The following DTNA variants were observed in gnomAD, a reference collection of about 807,000 sequenced individuals.
DTNA encodes the protein dystrobrevin alpha.
A neutral mutation model predicts 100.7 loss-of-function variants in DTNA; 43 were observed. The observed-to-expected ratio is 0.43, with a 90% CI of 0.33 to 0.55. The LOEUF (loss-of-function observed/expected upper bound fraction) is 0.55, where lower values mean the gene tolerates loss of function less well. Ranked by LOEUF, DTNA falls within the 20% of genes least tolerant of loss-of-function variation. The probability of loss-of-function intolerance (pLI) is 0.04; values close to 1 mark genes in which losing one functional copy is unlikely to be tolerated. For missense variants in DTNA, 798 were observed against 953.9 expected, an observed-to-expected ratio of 0.84 and a Z score of 2.15; for synonymous variants, 349 against 347.9, an observed-to-expected ratio of 1.00 and a Z score of -0.04.
At chr18:34,740,051 T>G (rs57815412) in intron 1 of DTNA, among the ~76,000 whole-genome samples, 1 of 152,186 alleles carries the variant, frequency 6.6e-6, no homozygotes, top group Non-Finnish European at 1.5e-5. Context: ...CTGAGATTGA[T>G]TCCTACACTG....
rs1159318382 is a variant in DTNA, at chr18:34,890,499, GGTT to G, written c.*2769_*2771del. ...ATTAGATACAACTACATCTTGCGGG[GGTT>G]GTTTCTTTCTTGTTCCACAATGAAT... is the stretch of plus-strand genomic sequence containing the variant. On this transcript the variant is annotated 3_prime_UTR_variant, in exon 23 of 23. Coordinates refer to ENST00000444659, the MANE Select transcript of DTNA (RefSeq NM_001386795.1). 2.6e-5 allele frequency: 40 copies of G among 1,531,396 alleles called. No individual in the cohort carries two copies. The highest frequency in any genetic ancestry group is 3.4e-5 in the Non-Finnish European group (39 of 1,143,928). The allele number at this position is 1,531,396 out of a possible 1,614,324, so 94.9% of individuals were successfully genotyped here.
chr18:34,886,271 T>C (rs984268855), intron 22 of DTNA, among the ~76,000 whole-genome samples: 4 of 152,230 alleles, frequency 2.6e-5, no homozygotes, highest in Non-Finnish European at 5.9e-5. Context: ...TGATCATATA[T>C]ATTTTATGAG....
chr18:34,538,501 T>C (rs1423823270), intron 1 of DTNA, among the ~76,000 whole-genome samples: 2 of 152,100 alleles, frequency 1.3e-5, no homozygotes, highest in Non-Finnish European at 2.9e-5. Flanking sequence ...GTAGAATCTC[T>C]ACGCAGTGAG....
chr18:34,555,245 G>A (rs1568644097), intron 1 of DTNA, among the ~76,000 whole-genome samples: 1 of 145,152 alleles, frequency 6.9e-6, no homozygotes, highest in Non-Finnish European at 1.5e-5. Context: ...TTTTTATTGT[G>A]TCTATTTGAT....
At chr18:34,608,792 T>G (rs1457236992) in intron 1 of DTNA, among the ~76,000 whole-genome samples, 1 of 152,204 alleles carries the variant, frequency 6.6e-6, no homozygotes, top group Non-Finnish European at 1.5e-5. Context: ...AGATCTTTCT[T>G]CAATCAACCA....
At chr18:34,711,650 C>T (rs960803479) in intron 1 of DTNA, among the ~76,000 whole-genome samples, 2 of 152,182 alleles carry the variant, frequency 1.3e-5, no homozygotes, top group African/African-American at 4.8e-5. Flanking sequence ...CAAGTTTGTT[C>T]ATACAGCATG....
chr18:34,636,436 T>C (rs2058677744), intron 1 of DTNA, among the ~76,000 whole-genome samples: 1 of 152,164 alleles, frequency 6.6e-6, no homozygotes, highest in Admixed American at 6.5e-5. Flanking sequence ...AATTAGTAAT[T>C]TTTAATGTTT....
intron 14 of DTNA, among the ~76,000 whole-genome samples, chr18:34,848,805 TG>T (rs2096427999): frequency 6.6e-6 from 1 of 152,238 alleles, no homozygotes; most frequent in African/African-American, 2.4e-5. Context: ...TTTCTCCATT[TG>T]TGTCAGTCTC....
chr18:34,762,343 T>C (rs183839680), intron 2 of DTNA, among the ~76,000 whole-genome samples: 1 of 152,266 alleles, frequency 6.6e-6, no homozygotes, highest in Non-Finnish European at 1.5e-5. Context: ...GGTAGATTTA[T>C]GGGGGATGTC....
At position 34,812,117 on chromosome 18, in the gene DTNA, G is replaced by A. The variant is rs2095496898; in HGVS notation, c.603+4G>A. 1 of 1,613,810 alleles carries A rather than the reference G, an allele frequency of 6.2e-7. No homozygotes were observed. The highest frequency in any genetic ancestry group is 1.3e-5 in the African/African-American group (1 of 74,908). ...CAGATCCTGTTTCTCCCAACAGGTA[G>A]GAGAAAAATATGTTTAAGGAAGTAT... On this transcript the variant is annotated splice_donor_region_variant and intron_variant, in intron 6 of 22. Transcript: ENST00000444659.
At position 34,619,176 on chromosome 18, in the gene DTNA, A is replaced by G. The variant is rs531563116; in HGVS notation, c.-2+125662A>G. Among the ~76,000 whole-genome samples the G allele has an allele frequency of 1.4e-4, 22 of 152,336 alleles. No homozygotes were observed. In the South Asian group the frequency reaches 4.4e-3, roughly 30 times the overall value. On this transcript the variant is annotated intron_variant, in intron 1 of 19. Coordinates refer to the DTNA transcript ENST00000283365. The stretch of plus-strand genomic sequence containing the variant: ...TAAATGCAAATGGTTTAGCATTGCT[A>G]AAGCCTAAGATGTGTTGTAATGAGT...
chr18:34,815,675 A>G (rs1262232188), intron 6 of DTNA: 3 of 481,722 alleles, frequency 6.2e-6, no homozygotes, highest in Admixed American at 3.3e-5. Context: ...TGGTGATACT[A>G]TTGACTCAGC....
intron 1 of DTNA, among the ~76,000 whole-genome samples, chr18:34,705,272 T>C (rs2081968518): frequency 6.6e-6 from 1 of 152,144 alleles, no homozygotes; most frequent in African/African-American, 2.4e-5. Flanking sequence ...CCTTTAGATA[T>C]ACTGCCGTGT....
At chr18:34,553,735 C>G (rs1408033242) in intron 1 of DTNA, among the ~76,000 whole-genome samples, 3 of 151,964 alleles carry the variant, frequency 2.0e-5, no homozygotes, top group Non-Finnish European at 4.4e-5. Flanking sequence ...TTCCATTGAT[C>G]TATATCTCTG....
intron 1 of DTNA, among the ~76,000 whole-genome samples, chr18:34,584,402 T>C (rs956244385): frequency 6.6e-6 from 1 of 151,956 alleles, no homozygotes; most frequent in Non-Finnish European, 1.5e-5. Flanking sequence ...TTATAGATAG[T>C]AAAAAAGAAA....
intron 1 of DTNA, among the ~76,000 whole-genome samples, chr18:34,703,030 A>G (rs1338786634): frequency 6.6e-6 from 1 of 152,220 alleles, no homozygotes; most frequent in Non-Finnish European, 1.5e-5. Context: ...AGGATGTCAT[A>G]AAGTCTGAAA....
At chr18:34,787,062 A>T (rs2094534424) in intron 3 of DTNA, among the ~76,000 whole-genome samples, 1 of 152,160 alleles carries the variant, frequency 6.6e-6, no homozygotes, top group South Asian at 2.1e-4. Flanking sequence ...AGCATTTCTA[A>T]ATAGCCTGTG....
chr18:34,537,295 C>T (rs2043811082), intron 1 of DTNA, among the ~76,000 whole-genome samples: 1 of 152,066 alleles, frequency 6.6e-6, no homozygotes, highest in East Asian at 1.9e-4. Context: ...AATTTTCTAT[C>T]AACTGTCTTA....
intron 1 of DTNA, among the ~76,000 whole-genome samples, chr18:34,646,865 G>A (rs763243031): frequency 2.0e-5 from 3 of 151,956 alleles, no homozygotes; most frequent in East Asian, 1.9e-4. Context: ...ACAGGCATGC[G>A]CCACCATGCC....
Sources: allele counts gnomAD v4.1 joint callset (sites outside exome capture counted in the v4.1 genomes callset), GRCh38; gene constraint gnomAD v4.1.1; transcripts MANE v1.5; gene names NCBI Gene and HGNC (gene_info 2026-07-23, HGNC 2026-07-21).